Variants in COL13A1 observed in about 807,000 individuals in gnomAD.
COL13A1 encodes the protein collagen alpha-1(XIII) chain.
A neutral mutation model predicts 130.9 loss-of-function variants in COL13A1; 89 were observed. The observed-to-expected ratio is 0.68, with a 90% confidence interval of 0.57 to 0.81. The LOEUF is 0.81. Ranked by LOEUF, COL13A1 falls within the 30% of genes least tolerant of loss-of-function variation. COL13A1 has a pLI of 0.00. For missense variants in COL13A1, 879 were observed against 934.6 expected, an observed-to-expected ratio of 0.94 and a Z score of 0.78; for synonymous variants, 402 against 341.6, an observed-to-expected ratio of 1.18 and a Z score of -1.95.
At chr10:69,853,842 T>C (rs540719356) in intron 2 of COL13A1, among the ~76,000 whole-genome samples, 15 of 152,150 alleles carry the variant, frequency 9.9e-5, no homozygotes, top group Non-Finnish European at 1.9e-4. Context: ...TCTGTGAACG[T>C]AGGTATGCGT....
At chr10:69,844,016 T>G (rs762163821) in intron 2 of COL13A1, among the ~76,000 whole-genome samples, 2 of 152,156 alleles carry the variant, frequency 1.3e-5, no homozygotes, top group African/African-American at 4.8e-5. Flanking sequence ...CCAGGAGAGA[T>G]GCCCACCAGT....
chr10:69,816,536 C>A (rs1405305082), intron 1 of COL13A1, among the ~76,000 whole-genome samples: 1 of 151,894 alleles, frequency 6.6e-6, no homozygotes, highest in Non-Finnish European at 1.5e-5. Context: ...GGATGAGGTA[C>A]CCTAGGGAGC....
intron 26 of COL13A1, 41 bp from the exon 27 acceptor site, chr10:69,927,046 T>C (rs1219205533): frequency 6.2e-7 from 1 of 1,613,468 alleles, no homozygotes; most frequent in South Asian, 1.1e-5. Flanking sequence ...ACTTGGCTCT[T>C]GGTTTGCTCT....
chr10:69,849,961 A>G (rs1854277062), intron 2 of COL13A1, among the ~76,000 whole-genome samples: 1 of 152,172 alleles, frequency 6.6e-6, no homozygotes, highest in Non-Finnish European at 1.5e-5. Flanking sequence ...TTAATGATTT[A>G]TTAGCCACTG....
chr10:69,908,422 C>A (rs553371228), intron 17 of COL13A1, among the ~76,000 whole-genome samples: 1 of 152,174 alleles, frequency 6.6e-6, no homozygotes, highest in Non-Finnish European at 1.5e-5. Context: ...CCTGGTGCAA[C>A]GCGGGATCAG....
chr10:69,827,980 C>A, intron 2 of COL13A1, among the ~76,000 whole-genome samples: 1 of 152,122 alleles, frequency 6.6e-6, no homozygotes, highest in Admixed American at 6.5e-5. Flanking sequence ...CAGACCAAAG[C>A]GTCCTTTGTT....
intron 17 of COL13A1, 102 bp downstream of exon 17, chr10:69,905,924 G>A: frequency 7.7e-7 from 1 of 1,304,696 alleles, no homozygotes; most frequent in Non-Finnish European, 1.1e-6. Context: ...AACCTAGGTG[G>A]CTGTGCCTGT....
intron 1 of COL13A1, among the ~76,000 whole-genome samples, chr10:69,811,299 C>T (rs975173872): frequency 1.3e-5 from 2 of 152,206 alleles, no homozygotes; most frequent in Non-Finnish European, 1.5e-5. Flanking sequence ...TGTTGTGGGT[C>T]CTGAGCTTCT....
At chr10:69,832,681 T>C (rs1198698569) in intron 2 of COL13A1, among the ~76,000 whole-genome samples, 1 of 152,108 alleles carries the variant, frequency 6.6e-6, no homozygotes, top group Non-Finnish European at 1.5e-5. Flanking sequence ...ATTGATTCCT[T>C]GGAGGAGACA....
intron 28 of COL13A1, among the ~76,000 whole-genome samples, chr10:69,929,639 G>A (rs2065842932): frequency 6.6e-6 from 1 of 152,192 alleles, no homozygotes; most frequent in Non-Finnish European, 1.5e-5. Context: ...TTTGTGTGAA[G>A]ATGAAAGGAG....
rs117991511 is a variant in COL13A1, at chr10:69,843,820, G to A, written c.364+21382G>A. 2.6e-3 allele frequency among the ~76,000 whole-genome samples: 393 copies of A among 152,286 alleles called. 4 individuals are homozygous for A. Among genetic ancestry groups the A allele is most frequent in the Non-Finnish European group, 4.5e-3 (306 of 68,028 alleles). ...ATTTTCAGTGTCCTGCTGTGTCCAC[G>A]ACCAGAGGTGCTACAGCCCAATAAA... On this transcript the variant is annotated intron_variant, in intron 2 of 40. Transcript: ENST00000645393.
At chr10:69,901,909 C>T (rs75936125) in intron 14 of COL13A1, among the ~76,000 whole-genome samples, 1 of 152,210 alleles carries the variant, frequency 6.6e-6, no homozygotes, top group Non-Finnish European at 1.5e-5. Context: ...ATAACAGCCT[C>T]CCCACGCAGC....
At position 69,890,695 on chromosome 10, in the gene COL13A1, C is replaced by T. The variant is rs76516691; in HGVS notation, c.603+1255C>T. On this transcript the variant is annotated intron_variant, in intron 10 of 40. Transcript: ENST00000645393. ...CTCCAGCCTAGCTCTTCCTAACTTGCCAGCTCCCTCTGGGCCCCAACCTGT... is the reference window on the plus strand; with the variant it reads ...CTCCAGCCTAGCTCTTCCTAACTTGTCAGCTCCCTCTGGGCCCCAACCTGT... Among the ~76,000 whole-genome samples the T allele has an allele frequency of 7.6e-3, 1,153 of 152,372 alleles. 12 individuals carry two copies. Among genetic ancestry groups the T allele is most frequent in the African/African-American group, 0.027 (1,105 of 41,584 alleles).
chr10:69,824,154 A>C (rs887880669), intron 2 of COL13A1: 8 of 472,156 alleles, frequency 1.7e-5, no homozygotes, highest in Non-Finnish European at 3.5e-5. Context: ...TGTCTGAAAA[A>C]CAGGGACAAT....
intron 2 of COL13A1, among the ~76,000 whole-genome samples, chr10:69,856,454 T>A (rs1856458654): frequency 6.6e-6 from 1 of 152,140 alleles, no homozygotes; most frequent in Non-Finnish European, 1.5e-5. Context: ...CAACTCTTCT[T>A]AGAGTAGTGA....
intron 2 of COL13A1, among the ~76,000 whole-genome samples, chr10:69,856,465 T>C (rs2763351): frequency 0.94 from 143,105 of 152,282 alleles, 67,871 homozygotes; most frequent in East Asian, 1. Flanking sequence ...AGAGTAGTGA[T>C]TAAAGAATTA....
chr10:69,931,003 C>A (rs1444503793), intron 30 of COL13A1, among the ~76,000 whole-genome samples: 1 of 152,190 alleles, frequency 6.6e-6, no homozygotes, highest in Non-Finnish European at 1.5e-5. Context: ...GACTTAGGGG[C>A]CTTCTCTGGG....
intron 2 of COL13A1, among the ~76,000 whole-genome samples, chr10:69,830,867 C>A (rs750871229): frequency 2.0e-5 from 3 of 152,140 alleles, no homozygotes; most frequent in South Asian, 2.1e-4. Flanking sequence ...AAAAAAGAAA[C>A]CCCATTCCTT....
At chr10:69,923,376 A>G (rs1405590209) in intron 23 of COL13A1, among the ~76,000 whole-genome samples, 2 of 152,204 alleles carry the variant, frequency 1.3e-5, no homozygotes, top group African/African-American at 4.8e-5. Flanking sequence ...GATGGCTCCT[A>G]TGTTGCTTGG....
Sources: gnomAD v4.1 joint callset for allele counts (sites outside exome capture counted in the v4.1 genomes callset) on GRCh38, gnomAD v4.1.1 for gene constraint, MANE v1.5 for transcripts, NCBI Gene and HGNC (gene_info 2026-07-23, HGNC 2026-07-21) for gene names.